Variants in DROSHA observed in about 807,000 individuals in gnomAD.
DROSHA encodes the protein drosha ribonuclease III.
Under a neutral mutation model 181.9 loss-of-function variants are expected in DROSHA, and 56 were observed. The observed-to-expected ratio is 0.31, with a 90% CI of 0.25 to 0.38. DROSHA has a LOEUF of 0.38. Among genes scored for constraint, DROSHA ranks in the 10% least tolerant of loss-of-function variants. The pLI is 1.00. For synonymous variants in DROSHA, 524 were observed against 591.2 expected (o/e 0.89, Z 1.65); for missense variants, 1,218 against 1,743.5 (o/e 0.70, Z 5.37).
intron 5 of DROSHA, among the ~76,000 whole-genome samples, chr5:31,522,405 T>C (rs932498743): frequency 1.3e-5 from 2 of 152,154 alleles, no homozygotes; most frequent in Admixed American, 1.3e-4. Context: ...AAAAAAATAA[T>C]TGCGTACATT....
chr5:31,456,873 C>T (rs1347249352), intron 20 of DROSHA, among the ~76,000 whole-genome samples: 1 of 152,020 alleles, frequency 6.6e-6, no homozygotes, highest in Non-Finnish European at 1.5e-5. Flanking sequence ...GTGATCCTTC[C>T]ACATCAGCCT....
chr5:31,430,673 G>C (rs113613694), intron 26 of DROSHA, among the ~76,000 whole-genome samples: 28 of 152,170 alleles, frequency 1.8e-4, no homozygotes, highest in African/African-American at 6.3e-4. Flanking sequence ...AAAATATTAT[G>C]TGTACAGAGC....
At chr5:31,445,596 G>A (rs1161957837) in intron 23 of DROSHA, among the ~76,000 whole-genome samples, 2 of 152,092 alleles carry the variant, frequency 1.3e-5, no homozygotes, top group African/African-American at 4.8e-5. Context: ...TGAGAAGAAT[G>A]AGACACCACA....
chr5:31,465,796 C>T (rs567357659), intron 19 of DROSHA, among the ~76,000 whole-genome samples: 3 of 152,144 alleles, frequency 2.0e-5, no homozygotes, highest in East Asian at 1.9e-4. Flanking sequence ...TGTCATATGA[C>T]GTGCCTGCTC....
At chr5:31,416,662 C>T (rs1234571820) in intron 30 of DROSHA, among the ~76,000 whole-genome samples, 1 of 152,076 alleles carries the variant, frequency 6.6e-6, no homozygotes, top group Non-Finnish European at 1.5e-5. Flanking sequence ...GAACAGCTTC[C>T]AGGGAGAGGA....
chr5:31,447,631 T>C (rs1377719038), intron 23 of DROSHA, among the ~76,000 whole-genome samples: 1 of 152,230 alleles, frequency 6.6e-6, no homozygotes, highest in East Asian at 1.9e-4. Flanking sequence ...TCTGAGAATA[T>C]ATTTAAAAAC....
chr5:31,407,323 G>C (rs1269802047), intron 33 of DROSHA, among the ~76,000 whole-genome samples: 2 of 152,134 alleles, frequency 1.3e-5, no homozygotes, highest in African/African-American at 4.8e-5. Context: ...GCTAATCACA[G>C]CCTAAAACAA....
At chr5:31,483,519 A>G in intron 16 of DROSHA, 35 bp downstream of exon 16, 1 of 1,602,444 alleles carries the variant, frequency 6.2e-7, no homozygotes, top group South Asian at 1.1e-5. Context: ...CAGATGCACT[A>G]TCTCACCAGG....
intron 17 of DROSHA, among the ~76,000 whole-genome samples, chr5:31,468,554 T>C (rs1561209275): frequency 6.6e-6 from 1 of 152,234 alleles, no homozygotes; most frequent in Non-Finnish European, 1.5e-5. Flanking sequence ...AAAGGCCAAA[T>C]AGTTAAGCTT....
At chr5:31,527,419 T>G (rs1191297449) in intron 4 of DROSHA, 1 of 155,766 alleles carries the variant, frequency 6.4e-6, no homozygotes, top group South Asian at 2.0e-4. Flanking sequence ...TAAAGTACTT[T>G]CCTTGGCCTC....
intron 23 of DROSHA, among the ~76,000 whole-genome samples, chr5:31,446,388 A>G (rs934865747): frequency 6.9e-6 from 1 of 143,936 alleles, no homozygotes; most frequent in East Asian, 2.4e-4. Context: ...TAGAGTTTGC[A>G]GTGAGCCGAG....
intron 10 of DROSHA, among the ~76,000 whole-genome samples, chr5:31,506,691 G>T (rs374563959): frequency 3.8e-5 from 4 of 105,378 alleles, no homozygotes; most frequent in African/African-American, 1.1e-4. Context: ...TTGAGACTCC[G>T]TCTCAAAAAA....
intron 10 of DROSHA, among the ~76,000 whole-genome samples, chr5:31,506,376 A>AAC (rs386403464): frequency 6.7e-6 from 1 of 150,142 alleles, no homozygotes. Flanking sequence ...AAAAAAAAAA[A>AAC]ACTTATAACA....
At chr5:31,421,463 C>T (rs1305019697) in intron 29 of DROSHA, 86 bp from the exon 30 acceptor site, 7 of 1,072,360 alleles carry the variant, frequency 6.5e-6, no homozygotes, top group Non-Finnish European at 9.9e-6. Flanking sequence ...AAAGGAATGA[C>T]TTAAAAAGAC....
intron 23 of DROSHA, among the ~76,000 whole-genome samples, chr5:31,446,992 A>C (rs1746390781): frequency 6.6e-6 from 1 of 152,130 alleles, no homozygotes; most frequent in Non-Finnish European, 1.5e-5. Context: ...GTGAGCTGAG[A>C]TCATGCCACT....
rs1741249134 is a variant in DROSHA at position 31,411,029 on chromosome 5, C to CAGAT, written c.3526-146_3526-143dup. On this transcript the variant is annotated intron_variant, in intron 30 of 35. Coordinates refer to ENST00000344624, the MANE Select transcript of DROSHA (RefSeq NM_001382508.1). The surrounding 1 kb of genome is among the most constrained non-coding windows in gnomAD (Gnocchi z 4.2). ...GAGGTCTATGGCCTCAACCATCACC[C>CAGAT]AGATGACAGTGATATGCTCCATGCC... The CAGAT allele has an allele frequency of 1.7e-6, 2 of 1,173,156 alleles. No individual in the cohort carries two copies. The highest frequency in any genetic ancestry group is 2.7e-4 in the Middle Eastern group (1 of 3,648). 72.7% of individuals were successfully genotyped at this position (1,173,156 alleles called of 1,614,324 possible). A position where few individuals can be genotyped will look rare whatever the true frequency, so the allele number is the denominator to read the frequency against.
At chr5:31,490,274 T>A (rs956469683) in intron 13 of DROSHA, among the ~76,000 whole-genome samples, 1 of 151,432 alleles carries the variant, frequency 6.6e-6, no homozygotes, top group Non-Finnish European at 1.5e-5. Context: ...TTCAAATTCC[T>A]GGGCTGAAGT....
chr5:31,504,178 CAG>C lies in DROSHA; in HGVS notation c.1668+375_1668+376del, dbSNP rs528705201. Among the ~76,000 whole-genome samples, 548 of 152,244 alleles carry C rather than the reference CAG, an allele frequency of 3.6e-3. 2 individuals are homozygous for C. Among genetic ancestry groups the C allele is most frequent in the African/African-American group, 0.012 (517 of 41,568 alleles). On this transcript the variant is annotated intron_variant, in intron 11 of 35. Transcript: ENST00000344624. ...CAGTTTGGTGGAAAGGACAGACTAACAGAGAGAGAAGACATGCACTTCAAAGC... is the reference window on the plus strand; with the variant it reads ...CAGTTTGGTGGAAAGGACAGACTAACAGAGAGAAGACATGCACTTCAAAGC...
At chr5:31,416,475 A>C (rs1432226885) in intron 30 of DROSHA, among the ~76,000 whole-genome samples, 2 of 151,866 alleles carry the variant, frequency 1.3e-5, no homozygotes, top group Non-Finnish European at 2.9e-5. Context: ...CTTCTAGTCC[A>C]TTGGGGTAGG....
Sources: gnomAD v4.1 joint callset for allele counts (sites outside exome capture counted in the v4.1 genomes callset) on GRCh38, gnomAD v4.1.1 for gene constraint, Gnocchi (gnomAD v3.1) non-coding constraint, MANE v1.5 for transcripts, NCBI Gene and HGNC (gene_info 2026-07-23, HGNC 2026-07-21) for gene names.